LRRC37A2: variants seen among roughly 807,000 people sequenced by gnomAD.
The protein encoded by LRRC37A2 is leucine rich repeat containing 37 member A2, also known as leucine-rich repeat-containing protein 37A2.
A neutral mutation model predicts 68.8 loss-of-function variants in LRRC37A2; 9 were observed. That is an observed-to-expected ratio of 0.13 (90% confidence interval 0.08 to 0.23). The LOEUF is 0.23. Ranked by LOEUF, LRRC37A2 falls within the 10% of genes least tolerant of loss-of-function variation. The pLI is 1.00. For synonymous variants in LRRC37A2, 63 were observed against 367.6 expected, an observed-to-expected ratio of 0.17 and a Z score of 9.48; for missense variants, 168 against 950.4, an observed-to-expected ratio of 0.18 and a Z score of 10.82.
At chr17:46,925,309 A>G in the LRRC37A2 span, among the ~76,000 whole-genome samples, 6 of 152,364 alleles carry the variant, frequency 3.9e-5, no homozygotes, top group East Asian at 1.2e-3. Flanking sequence ...TTGCCCCACA[A>G]CTATTAGGCC....
At chr17:46,920,752 T>C in the LRRC37A2 span, among the ~76,000 whole-genome samples, 15 of 152,260 alleles carry the variant, frequency 9.9e-5, no homozygotes, top group South Asian at 3.1e-3. Context: ...TCTTGATAAA[T>C]AAAATTCATA....
the LRRC37A2 span, chr17:46,923,834 G>T: frequency 2.5e-6 from 1 of 399,104 alleles, no homozygotes; most frequent in Non-Finnish European, 4.4e-6. Context: ...TATTCGCATC[G>T]TCCTGCACTT....
chr17:46,756,187 GTT>G, the LRRC37A2 span: 1 of 187,308 alleles, frequency 5.3e-6, no homozygotes, highest in Non-Finnish European at 1.1e-5. Flanking sequence ...TGTCATGAAT[GTT>G]GCATGACAAC....
At chr17:46,542,316 C>T (rs530611033) in intron 8 of LRRC37A2, among the ~76,000 whole-genome samples, 1 of 148,492 alleles carries the variant, frequency 6.7e-6, no homozygotes, top group South Asian at 2.1e-4. Flanking sequence ...AAATGATACA[C>T]ATTTAGGTCT....
chr17:46,942,750 A>G, the LRRC37A2 span, among the ~76,000 whole-genome samples: 1 of 152,194 alleles, frequency 6.6e-6, no homozygotes, highest in Non-Finnish European at 1.5e-5. Context: ...CCCTGAACAC[A>G]CTGCCTTAGG....
At chr17:46,873,958 C>T in the LRRC37A2 span, among the ~76,000 whole-genome samples, 1 of 148,074 alleles carries the variant, frequency 6.8e-6, no homozygotes, top group African/African-American at 2.5e-5. Context: ...CACTGCACTC[C>T]AGCCTGGGAG....
At chr17:46,999,476 G>A in the LRRC37A2 span, among the ~76,000 whole-genome samples, 2 of 152,092 alleles carry the variant, frequency 1.3e-5, no homozygotes, top group South Asian at 2.1e-4. Flanking sequence ...AACCTCCCGA[G>A]TAGCTGGGAC....
At chr17:46,543,729 T>C (rs2055841358) in intron 8 of LRRC37A2, among the ~76,000 whole-genome samples, 1 of 150,976 alleles carries the variant, frequency 6.6e-6, no homozygotes, top group Non-Finnish European at 1.5e-5. Context: ...AGATGAAAGT[T>C]ATACAGGTGT....
At chr17:46,877,078 T>A in the LRRC37A2 span, 18 of 1,069,210 alleles carry the variant, frequency 1.7e-5, no homozygotes, top group Non-Finnish European at 2.0e-5. Context: ...CTGGGATGAA[T>A]GGCTTGGAGC....
the LRRC37A2 span, chr17:46,924,230 G>C: frequency 5.4e-6 from 1 of 186,652 alleles, no homozygotes; most frequent in East Asian, 1.3e-4. Flanking sequence ...TTGTCCTTTT[G>C]TATCTGGCTT....
chr17:46,844,914 C>T, the LRRC37A2 span, among the ~76,000 whole-genome samples: 6 of 151,840 alleles, frequency 4.0e-5, no homozygotes, highest in African/African-American at 1.5e-4. Context: ...ATGGTGGGAT[C>T]TCTGCTCACT....
the LRRC37A2 span, chr17:46,768,667 C>T: frequency 6.2e-7 from 1 of 1,614,152 alleles, no homozygotes. This position sits in a 1 kb window ranked among gnomAD's most constrained non-coding sequence, Gnocchi z 5.0. Flanking sequence ...ATCTCCGAGG[C>T]GCTGTCATAC....
At chr17:46,707,693 C>T in the LRRC37A2 span, among the ~76,000 whole-genome samples, 1 of 152,124 alleles carries the variant, frequency 6.6e-6, no homozygotes, top group African/African-American at 2.4e-5. Context: ...GGTCAACCAT[C>T]TTGCAGCATG....
the LRRC37A2 span, among the ~76,000 whole-genome samples, chr17:46,845,223 A>G: frequency 8.6e-5 from 13 of 151,260 alleles, no homozygotes; most frequent in African/African-American, 3.2e-4. Context: ...AAACACCCCA[A>G]CGTAGAGTCT....
chr17:46,912,501 C>A, the LRRC37A2 span, among the ~76,000 whole-genome samples: 2 of 152,308 alleles, frequency 1.3e-5, no homozygotes, highest in Admixed American at 1.3e-4. Flanking sequence ...CCCTGCCTTG[C>A]TCCTGGCTGT....
the LRRC37A2 span, chr17:46,875,340 G>A: frequency 4.0e-5 from 65 of 1,610,560 alleles, no homozygotes; most frequent in South Asian, 5.5e-5. Context: ...ACGGGCAGAC[G>A]CCCACAATAC....
At chr17:46,772,734 C>T in the LRRC37A2 span, among the ~76,000 whole-genome samples, 1 of 152,192 alleles carries the variant, frequency 6.6e-6, no homozygotes. Flanking sequence ...TAAAGGGGAA[C>T]TGCACTCTAA....
the LRRC37A2 span, among the ~76,000 whole-genome samples, chr17:46,823,174 T>A: frequency 1.1e-4 from 14 of 128,904 alleles, no homozygotes; most frequent in African/African-American, 3.5e-4. Flanking sequence ...TATTATATAT[T>A]TATATATAAT....
the LRRC37A2 span, among the ~76,000 whole-genome samples, chr17:47,000,106 T>TAAAATAA: frequency 3.4e-4 from 45 of 133,910 alleles, 3 homozygotes; most frequent in African/African-American, 1.1e-3. Context: ...TAAAATAAAA[T>TAAAATAA]AAAATAAAAT....
Sources: allele counts gnomAD v4.1 joint callset (sites outside exome capture counted in the v4.1 genomes callset), GRCh38; gene constraint gnomAD v4.1.1; non-coding constraint Gnocchi (gnomAD v3.1); transcripts MANE v1.5; gene names NCBI Gene and HGNC (gene_info 2026-07-23, HGNC 2026-07-21).